Variants in DAZAP1 observed in about 807,000 individuals in gnomAD.
DAZAP1 encodes the protein DAZ associated protein 1, also known as DAZ-associated protein 1.
In DAZAP1, 6 loss-of-function variants were observed where a neutral mutation model predicts 60.1. That is an observed-to-expected ratio of 0.10 (90% CI 0.05 to 0.20). The LOEUF (loss-of-function observed/expected upper bound fraction) is 0.20, where lower values mean the gene tolerates loss of function less well. Ranked by LOEUF, DAZAP1 falls within the 10% of genes least tolerant of loss-of-function variation. DAZAP1 has a pLI of 1.00. For missense variants in DAZAP1, 366 were observed against 560.4 expected, an observed-to-expected ratio of 0.65 and a Z score of 3.50; for synonymous variants, 235 against 215.9, an observed-to-expected ratio of 1.09 and a Z score of -0.78.
At chr19:1,411,244 C>T (rs999636528) in intron 1 of DAZAP1, among the ~76,000 whole-genome samples, 1 of 152,206 alleles carries the variant, frequency 6.6e-6, no homozygotes, top group African/African-American at 2.4e-5. Flanking sequence ...CTCCTGGGCT[C>T]TGTCAGCACT....
intron 1 of DAZAP1, among the ~76,000 whole-genome samples, chr19:1,412,650 C>G (rs2082863861): frequency 6.6e-6 from 1 of 152,236 alleles, no homozygotes; most frequent in Non-Finnish European, 1.5e-5. Flanking sequence ...CAGCCTAGGC[C>G]AGAGGAAGCC....
At chr19:1,420,565 C>T (rs1350068923) in intron 4 of DAZAP1, among the ~76,000 whole-genome samples, 1 of 151,948 alleles carries the variant, frequency 6.6e-6, no homozygotes, top group East Asian at 1.9e-4. Flanking sequence ...GGAGCTGGAC[C>T]AGAGACTCCT....
rs2083512241 is a variant in DAZAP1, at chr19:1,433,581, G to T, written c.1048+891G>T. 3 of 591,604 alleles carry T rather than the reference G, an allele frequency of 5.1e-6. No homozygotes were observed. The highest frequency in any genetic ancestry group is 6.0e-6 in the Non-Finnish European group (2 of 332,358). 36.6% of individuals were successfully genotyped at this position (591,604 alleles called of 1,614,324 possible). A position where few individuals can be genotyped will look rare whatever the true frequency, so the allele number is the denominator to read the frequency against. On this transcript the variant is annotated intron_variant, in intron 11 of 11. Coordinates refer to ENST00000233078, the MANE Select transcript of DAZAP1 (RefSeq NM_018959.4). The surrounding 1 kb of genome is among the most constrained non-coding windows in gnomAD (Gnocchi z 6.1). ...CACGCCCAGGCCTTGGGCCGAGGTTGCCGCATGTGTGGGTTCTTGACCCAC... is the reference window on the plus strand; with the variant it reads ...CACGCCCAGGCCTTGGGCCGAGGTTTCCGCATGTGTGGGTTCTTGACCCAC...
At position 1,418,939 on chromosome 19, in the gene DAZAP1, G is replaced by GA. The variant is rs375861829; in HGVS notation, c.303+218dup. Among the ~76,000 whole-genome samples, 684 of 149,684 alleles carry GA rather than the reference G, an allele frequency of 4.6e-3. 5 individuals carry two copies. The highest frequency in any genetic ancestry group is 0.016 in the African/African-American group (635 of 40,856). On this transcript the variant is annotated intron_variant, in intron 4 of 11. Coordinates refer to ENST00000233078, the MANE Select transcript of DAZAP1 (RefSeq NM_018959.4). The surrounding 1 kb of genome is among the most constrained non-coding windows in gnomAD (Gnocchi z 5.7). ...AAAATTCTTACTAATCTATCTTAGG[G>GA]AAAAAAAAAATGACAGCTCATGCCA...
In DAZAP1 at chr19:1,422,862, T is replaced by C. The variant is rs866838714; in HGVS notation, c.463+466T>C. Among the ~76,000 whole-genome samples, 3 of 111,694 alleles carry C rather than the reference T, an allele frequency of 2.7e-5. No individual in the cohort carries two copies. Among genetic ancestry groups the C allele is most frequent in the African/African-American group, 6.8e-5 (1 of 14,758 alleles). 73.3% of individuals were successfully genotyped at this position (111,694 alleles called of 152,430 possible). ...TTCCTTTTCTTTTCTTTTTCTTTTT[T>C]TTCAGTTTTCTCCCCTCTCTGAAGT... On this transcript the variant is annotated intron_variant, in intron 6 of 11. Transcript: ENST00000233078. The surrounding 1 kb of genome is among the most constrained non-coding windows in gnomAD (Gnocchi z 4.5).
chr19:1,411,651 AGCAGCGC>A (rs1281710720), intron 1 of DAZAP1, among the ~76,000 whole-genome samples: 2 of 152,224 alleles, frequency 1.3e-5, no homozygotes, highest in African/African-American at 2.4e-5. Flanking sequence ...CAGAGCTAGC[AGCAGCGC>A]GCAGCGTGCC....
chr19:1,408,648 T>G (rs1373836191), intron 1 of DAZAP1, among the ~76,000 whole-genome samples: 1 of 149,884 alleles, frequency 6.7e-6, no homozygotes, highest in African/African-American at 2.5e-5. Flanking sequence ...CCGCCGGGGG[T>G]GGGCTTGAGC....
chr19:1,423,127 C>T lies in DAZAP1; in HGVS notation c.463+731C>T, dbSNP rs911582173. Among the ~76,000 whole-genome samples the T allele has an allele frequency of 2.2e-4, 33 of 152,186 alleles. No individual in the cohort carries two copies. The highest frequency in any genetic ancestry group is 4.0e-4 in the Non-Finnish European group (27 of 68,028). On this transcript the variant is annotated intron_variant, in intron 6 of 11. Transcript: ENST00000233078. The surrounding 1 kb of genome is among the most constrained non-coding windows in gnomAD (Gnocchi z 6.8). ...GCAGCCTGGGTCTGCCCGCCACGTC[C>T]GTGCCGCCCCCGCACCACCGGCCCA...
chr19:1,408,257 G>T (rs1459567290), intron 1 of DAZAP1, among the ~76,000 whole-genome samples: 2 of 152,176 alleles, frequency 1.3e-5, no homozygotes, highest in African/African-American at 4.8e-5. Context: ...ACTTGGGGGG[G>T]TCTGGAGCGT....
chr19:1,432,383 G>A lies in DAZAP1; in HGVS notation c.872-131G>A. The A allele has an allele frequency of 1.1e-6, 1 of 925,852 alleles. No individual in the cohort carries two copies. The highest frequency in any genetic ancestry group is 1.7e-6 in the Non-Finnish European group (1 of 580,242). The allele number at this position is 925,852 out of a possible 1,614,324, so 57.4% of individuals were successfully genotyped here. On this transcript the variant is annotated intron_variant, in intron 10 of 11. Coordinates refer to ENST00000233078, the MANE Select transcript of DAZAP1 (RefSeq NM_018959.4). The surrounding 1 kb of genome is among the most constrained non-coding windows in gnomAD (Gnocchi z 4.9). ...GGTCCATTCTGTGGATGTCCACAAG[G>A]CCTGGGCGTTCTGTGGGTTTGGGTG...
At chr19:1,431,663 A>C (rs1054533086) in intron 10 of DAZAP1, among the ~76,000 whole-genome samples, 1 of 152,234 alleles carries the variant, frequency 6.6e-6, no homozygotes, top group African/African-American at 2.4e-5. Context: ...TCCTGACCTC[A>C]GCGCATCCAG....
intron 1 of DAZAP1, among the ~76,000 whole-genome samples, chr19:1,409,564 C>T (rs1433661120): frequency 1.3e-5 from 2 of 152,238 alleles, no homozygotes; most frequent in Non-Finnish European, 2.9e-5. Context: ...CCAGGAGTGT[C>T]CACTGCTTTC....
At chr19:1,429,879 C>T (rs73920483) in intron 8 of DAZAP1, 88 bp from the exon 9 acceptor site, 2 of 1,519,960 alleles carry the variant, frequency 1.3e-6, no homozygotes, top group African/African-American at 1.4e-5. Flanking sequence ...TTGGTCCCAG[C>T]CCTTGACGTC....
intron 1 of DAZAP1, among the ~76,000 whole-genome samples, chr19:1,412,409 A>ACTT (rs918667808): frequency 6.6e-6 from 1 of 152,152 alleles, no homozygotes; most frequent in African/African-American, 2.4e-5. Context: ...CTGGGCCTGG[A>ACTT]CTTCTGCCTC....
In DAZAP1 at chr19:1,407,639, C is replaced by CCGCCGCCGCCGCCGT. The variant is rs2082702445; in HGVS notation, c.-121_-120insTCGCCGCCGCCGCCG. 1.1e-6 allele frequency: 1 copy of CCGCCGCCGCCGCCGT among 894,668 alleles called. No individual in the cohort carries two copies. Among genetic ancestry groups the CCGCCGCCGCCGCCGT allele is most frequent in the African/African-American group, 1.8e-5 (1 of 54,594 alleles). 55.4% of individuals were successfully genotyped at this position (894,668 alleles called of 1,614,324 possible). A position where few individuals can be genotyped will look rare whatever the true frequency, so the allele number is the denominator to read the frequency against. On this transcript the variant is annotated 5_prime_UTR_variant, in exon 1 of 12. Transcript: ENST00000233078. The stretch of plus-strand genomic sequence containing the variant: ...GAGGCAGCCGCCGCCGCCGCCGCCG[C>CCGCCGCCGCCGCCGT]CGCCGCCGCCGCCGCCGCCGCCGTT...
rs1014610938 is a variant in DAZAP1, at chr19:1,435,019, G to T, written c.*107G>T. The T allele has an allele frequency of 5.1e-6, 1 of 194,988 alleles. No individual in the cohort carries two copies. The highest frequency in any genetic ancestry group is 2.6e-5 in the African/African-American group (1 of 38,226). 12.1% of individuals were successfully genotyped at this position (194,988 alleles called of 1,614,324 possible). On this transcript the variant is annotated 3_prime_UTR_variant, in exon 12 of 12. Transcript: ENST00000233078. ...AAGTGGCGACTCAACCTTGGGGGGG[G>T]GGGCGGGGGGAGGGCGCGAGGCTTT... is the stretch of plus-strand genomic sequence containing the variant.
chr19:1,427,447 G>C (rs1343112995), intron 7 of DAZAP1: 1 of 152,268 alleles, frequency 6.6e-6, no homozygotes, highest in Non-Finnish European at 1.5e-5. Flanking sequence ...TGGTTGGCTG[G>C]AGCGGCACTT....
chr19:1,428,863 C>T lies in DAZAP1; in HGVS notation c.568C>T (p.Pro190Ser). Reference sequence around the variant, plus strand: ...TTAGGTGGAAGTTAAACGAGCTGAGCCTCGGGACAGCAAGAGCCAAGCGCC... The same window carrying T: ...TTAGGTGGAAGTTAAACGAGCTGAGTCTCGGGACAGCAAGAGCCAAGCGCC... The part of the protein sequence containing the change: ...GKKVEVKRAE[P>S]RDSKSQAPGQ... Residue 190 changes from proline to serine, a missense_variant, in exon 8 of 12, where the codon CCT becomes TCT. By Grantham distance (74) the Pro-to-Ser change is moderately conservative (BLOSUM62 -1). This residue lies in a region of DAZAP1 where 240 missense variants were observed against 308.8 expected (regional missense o/e 0.78). Transcript: ENST00000233078. This position sits in a 1 kb window ranked among gnomAD's most constrained non-coding sequence, Gnocchi z 4.0. 6.2e-7 allele frequency: 1 copy of T among 1,613,042 alleles called. No homozygotes were observed. Among genetic ancestry groups the T allele is most frequent in the Non-Finnish European group, 8.5e-7 (1 of 1,179,898 alleles).
intron 1 of DAZAP1, among the ~76,000 whole-genome samples, chr19:1,412,213 G>A (rs1044554955): frequency 1.3e-5 from 2 of 152,030 alleles, no homozygotes; most frequent in Non-Finnish European, 2.9e-5. Flanking sequence ...GTGGGCTGGA[G>A]GGGGGGCATC....
Sources: allele counts gnomAD v4.1 joint callset (sites outside exome capture counted in the v4.1 genomes callset), GRCh38; gene constraint gnomAD v4.1.1; regional missense constraint gnomAD v4.1.1; non-coding constraint Gnocchi (gnomAD v3.1); transcripts MANE v1.5; gene names NCBI Gene and HGNC (gene_info 2026-07-23, HGNC 2026-07-21).